Variants in KCNMA1 observed in about 807,000 individuals in gnomAD.
KCNMA1 encodes potassium calcium-activated channel subfamily M alpha 1.
KCNMA1 carries 29 observed loss-of-function variants against 140.0 expected under a neutral mutation model. The ratio of observed to expected loss-of-function variants is 0.21; its 90% CI spans 0.15 to 0.28. The LOEUF (loss-of-function observed/expected upper bound fraction) is 0.28, where lower values mean the gene tolerates loss of function less well. KCNMA1 is among the 10% of genes least tolerant of loss of function. The pLI is 1.00. For synonymous variants in KCNMA1, 612 were observed against 611.9 expected (o/e 1.00, Z 0.00); for missense variants, 880 against 1,602.2 (o/e 0.55, Z 7.70).
At chr10:77,549,756 A>C (rs748634553) in intron 1 of KCNMA1, among the ~76,000 whole-genome samples, 1 of 152,244 alleles carries the variant, frequency 6.6e-6, no homozygotes, top group Admixed American at 6.5e-5. Context: ...AATTAGCGAA[A>C]GGTTAGAAAG....
intron 9 of KCNMA1, among the ~76,000 whole-genome samples, chr10:77,106,568 C>T (rs183758122): frequency 6.6e-5 from 10 of 151,798 alleles, no homozygotes; most frequent in Admixed American, 5.9e-4. Flanking sequence ...GAATGAAAGT[C>T]AAGAAATATT....
intron 23 of KCNMA1, among the ~76,000 whole-genome samples, chr10:76,915,347 T>A (rs1564880903): frequency 6.6e-6 from 1 of 152,144 alleles, no homozygotes; most frequent in Non-Finnish European, 1.5e-5. Context: ...ACAGGAGAAT[T>A]ATCCCCTGTG....
chr10:77,404,904 T>G (rs1427209632), intron 1 of KCNMA1, among the ~76,000 whole-genome samples: 2 of 113,448 alleles, frequency 1.8e-5, no homozygotes, highest in Admixed American at 1.6e-4. Context: ...AAAGTCATCC[T>G]TCCCTGAGAA....
At chr10:77,128,332 C>A (rs965502695) in intron 5 of KCNMA1, among the ~76,000 whole-genome samples, 12 of 151,154 alleles carry the variant, frequency 7.9e-5, no homozygotes, top group African/African-American at 2.4e-4. Context: ...TAAAATATAT[C>A]AATCTTTCTA....
chr10:76,986,747 A>G (rs1186455438), intron 19 of KCNMA1, among the ~76,000 whole-genome samples: 1 of 152,224 alleles, frequency 6.6e-6, no homozygotes, highest in Non-Finnish European at 1.5e-5. Context: ...CAAATCAATA[A>G]GGAAACATAG....
At chr10:76,887,675 T>TAAATGG in intron 27 of KCNMA1, 160 bp from the exon 28 acceptor site, 2 of 796,448 alleles carry the variant, frequency 2.5e-6, no homozygotes, top group Non-Finnish European at 4.1e-6. Context: ...TTTTTCTTGT[T>TAAATGG]AAATGGAAAC....
chr10:77,422,448 G>T (rs1012520937), intron 1 of KCNMA1, among the ~76,000 whole-genome samples: 1 of 152,208 alleles, frequency 6.6e-6, no homozygotes, highest in Non-Finnish European at 1.5e-5. Flanking sequence ...GCTGGAGTTT[G>T]CTCCTCCATC....
chr10:77,535,637 A>G (rs2058719358), intron 1 of KCNMA1, among the ~76,000 whole-genome samples: 1 of 152,244 alleles, frequency 6.6e-6, no homozygotes, highest in Non-Finnish European at 1.5e-5. Flanking sequence ...TACGGAATCA[A>G]CCTGAGTGTC....
intron 2 of KCNMA1, among the ~76,000 whole-genome samples, chr10:77,363,921 A>C (rs2094167894): frequency 6.6e-6 from 1 of 152,142 alleles, no homozygotes; most frequent in Admixed American, 6.5e-5. Flanking sequence ...GTCAATATGC[A>C]TGACGATATG....
intron 1 of KCNMA1, among the ~76,000 whole-genome samples, chr10:77,592,857 C>T (rs773677003): frequency 1.3e-5 from 2 of 152,140 alleles, no homozygotes; most frequent in East Asian, 1.9e-4. Context: ...GAGTGTGCCC[C>T]GGCAGCCTGA....
intron 23 of KCNMA1, among the ~76,000 whole-genome samples, chr10:76,941,145 GA>G (rs1260256744): frequency 1.7e-4 from 11 of 66,410 alleles, no homozygotes; most frequent in South Asian, 1.2e-3. Flanking sequence ...GAAGGGAAGG[GA>G]AGGGAAGGGA....
chr10:77,084,541 G>T, intron 12 of KCNMA1, 96 bp downstream of exon 12: 1 of 922,412 alleles, frequency 1.1e-6, no homozygotes, highest in Non-Finnish European at 1.7e-6. Flanking sequence ...GGGCAAAAAG[G>T]CCTCATAGAG....
intron 23 of KCNMA1, among the ~76,000 whole-genome samples, chr10:76,937,141 T>C (rs1380124860): frequency 6.6e-6 from 1 of 152,224 alleles, no homozygotes; most frequent in African/African-American, 2.4e-5. Context: ...CTCGCTGCAT[T>C]TGCAGGCTGT....
chr10:77,133,376 G>A (rs560135927), intron 5 of KCNMA1, among the ~76,000 whole-genome samples: 287 of 151,738 alleles, frequency 1.9e-3, no homozygotes, highest in African/African-American at 6.4e-3. Flanking sequence ...AATTCCAGGC[G>A]CATGCTATTT....
chr10:76,980,438 T>C (rs1221213465), intron 19 of KCNMA1: 1 of 152,180 alleles, frequency 6.6e-6, no homozygotes, highest in Non-Finnish European at 1.5e-5. Context: ...ATTTCGGAGA[T>C]GCTTTGGGAT....
At chr10:77,311,638 G>A (rs527708039) in intron 2 of KCNMA1, among the ~76,000 whole-genome samples, 18 of 152,292 alleles carry the variant, frequency 1.2e-4, no homozygotes, top group Non-Finnish European at 2.5e-4. Context: ...GAGAGCAAGC[G>A]AGCTGGGCCA....
intron 14 of KCNMA1, among the ~76,000 whole-genome samples, chr10:77,054,240 A>G (rs912470751): frequency 2.0e-5 from 3 of 152,062 alleles, no homozygotes; most frequent in Admixed American, 1.3e-4. Flanking sequence ...GGAGAAAGAG[A>G]AAAAAAATAC....
chr10:76,941,541 G>T (rs1180722119), intron 23 of KCNMA1, among the ~76,000 whole-genome samples: 1 of 152,114 alleles, frequency 6.6e-6, no homozygotes, highest in African/African-American at 2.4e-5. Context: ...CCAGAGAACA[G>T]TATTCAAAAA....
chr10:77,234,947 C>T (rs897513624), intron 3 of KCNMA1, among the ~76,000 whole-genome samples: 7 of 152,162 alleles, frequency 4.6e-5, no homozygotes, highest in Non-Finnish European at 8.8e-5. Flanking sequence ...TGGCCCAGAA[C>T]GCAGAGTTCA....
Sources: allele counts gnomAD v4.1 joint callset (sites outside exome capture counted in the v4.1 genomes callset), GRCh38; gene constraint gnomAD v4.1.1; transcripts MANE v1.5; gene names NCBI Gene and HGNC (gene_info 2026-07-23, HGNC 2026-07-21).